GABBR2: variants seen among roughly 807,000 people sequenced by gnomAD.
The protein encoded by GABBR2 is G-protein coupled receptor 51.
Under a neutral mutation model 105.6 loss-of-function variants are expected in GABBR2, and 23 were observed. The observed-to-expected ratio is 0.22, with a 90% CI of 0.16 to 0.31. The LOEUF (loss-of-function observed/expected upper bound fraction) is 0.31. Among genes scored for constraint, GABBR2 ranks in the 10% least tolerant of loss-of-function variants. GABBR2 has a pLI of 1.00. For synonymous variants in GABBR2, 478 were observed against 499.7 expected (o/e 0.96, Z 0.58); for missense variants, 734 against 1,245.5 (o/e 0.59, Z 6.18).
At chr9:98,433,768 T>C (rs1431482380) in intron 7 of GABBR2, among the ~76,000 whole-genome samples, 1 of 152,172 alleles carries the variant, frequency 6.6e-6, no homozygotes, top group African/African-American at 2.4e-5. Context: ...AGATGTTTAA[T>C]GTATTGATAC....
intron 13 of GABBR2, among the ~76,000 whole-genome samples, chr9:98,321,818 T>C (rs1182239776): frequency 2.6e-5 from 4 of 152,074 alleles, no homozygotes; most frequent in African/African-American, 9.7e-5. Flanking sequence ...ACTAAATGAC[T>C]GAGAGAGAAA....
chr9:98,565,243 G>T (rs73655491), intron 2 of GABBR2, among the ~76,000 whole-genome samples: 4,359 of 150,444 alleles, frequency 0.029, 226 homozygotes, highest in African/African-American at 0.1. Flanking sequence ...TGAAGGCCTG[G>T]CACAGCTGCA....
At chr9:98,609,754 A>G (rs1829478973) in intron 1 of GABBR2, among the ~76,000 whole-genome samples, 1 of 152,188 alleles carries the variant, frequency 6.6e-6, no homozygotes, top group Non-Finnish European at 1.5e-5. Context: ...CTTGGGTGCC[A>G]GTGGCACAGC....
intron 2 of GABBR2, among the ~76,000 whole-genome samples, chr9:98,551,667 G>A (rs1395834211): frequency 6.6e-6 from 1 of 152,096 alleles, no homozygotes; most frequent in Non-Finnish European, 1.5e-5. Context: ...GCCGTGATAT[G>A]TTTCATGAGC....
intron 1 of GABBR2, among the ~76,000 whole-genome samples, chr9:98,616,725 G>A (rs1829591322): frequency 6.7e-6 from 1 of 148,994 alleles, no homozygotes; most frequent in African/African-American, 2.5e-5. Context: ...CTGCACTCCA[G>A]TCTGAGTGAC....
intron 12 of GABBR2, among the ~76,000 whole-genome samples, chr9:98,366,232 A>C (rs1425674961): frequency 6.6e-6 from 1 of 152,116 alleles, no homozygotes; most frequent in Non-Finnish European, 1.5e-5. Flanking sequence ...ATTTTTACTA[A>C]ATGTGACTTC....
chr9:98,343,639 C>T (rs139074328), intron 13 of GABBR2, among the ~76,000 whole-genome samples: 73 of 152,288 alleles, frequency 4.8e-4, no homozygotes, highest in African/African-American at 1.7e-3. Flanking sequence ...GCAGGCAGAT[C>T]ATGAGGTCAG....
At chr9:98,295,746 G>T (rs1341266622) in intron 17 of GABBR2, among the ~76,000 whole-genome samples, 3 of 152,124 alleles carry the variant, frequency 2.0e-5, no homozygotes, top group South Asian at 2.1e-4. Context: ...GGATGGTCTC[G>T]ATCTCTTGAC....
intron 1 of GABBR2, among the ~76,000 whole-genome samples, chr9:98,616,170 A>G (rs1358286830): frequency 6.6e-6 from 1 of 152,240 alleles, no homozygotes; most frequent in Non-Finnish European, 1.5e-5. Flanking sequence ...TGTGGTCCCC[A>G]GGGAAGATAC....
At chr9:98,307,660 G>T (rs901710731) in intron 14 of GABBR2, among the ~76,000 whole-genome samples, 1 of 152,156 alleles carries the variant, frequency 6.6e-6, no homozygotes, top group Non-Finnish European at 1.5e-5. Context: ...ACCTGGGCAA[G>T]TCACTTCACC....
intron 1 of GABBR2, among the ~76,000 whole-genome samples, chr9:98,648,429 G>C (rs1347682746): frequency 1.3e-5 from 2 of 152,106 alleles, no homozygotes; most frequent in East Asian, 3.9e-4. Context: ...CACCGCACCT[G>C]GCCCATACAG....
intron 7 of GABBR2, among the ~76,000 whole-genome samples, chr9:98,443,890 G>C (rs1409669228): frequency 6.6e-6 from 1 of 152,232 alleles, no homozygotes; most frequent in Non-Finnish European, 1.5e-5. Context: ...TGTTCCCATT[G>C]TGAGCCCCTT....
At chr9:98,485,881 A>G (rs1827037126) in intron 4 of GABBR2, among the ~76,000 whole-genome samples, 2 of 152,240 alleles carry the variant, frequency 1.3e-5, no homozygotes, top group African/African-American at 4.8e-5. Flanking sequence ...CTTCCTGGCC[A>G]TGGGAGCCAC....
chr9:98,380,087 G>T (rs558787912), intron 11 of GABBR2, among the ~76,000 whole-genome samples: 1 of 152,130 alleles, frequency 6.6e-6, no homozygotes, highest in South Asian at 2.1e-4. Context: ...CTTCTTCCCT[G>T]CTGCCTAGCA....
intron 3 of GABBR2, among the ~76,000 whole-genome samples, chr9:98,508,909 T>C (rs1564097522): frequency 6.6e-6 from 1 of 152,112 alleles, no homozygotes; most frequent in African/African-American, 2.4e-5. Context: ...TCTGACAGCT[T>C]TGAAGAGAGT....
chr9:98,431,235 C>T (rs1245581107), intron 7 of GABBR2, among the ~76,000 whole-genome samples: 1 of 152,162 alleles, frequency 6.6e-6, no homozygotes, highest in East Asian at 1.9e-4. Flanking sequence ...CAATCCTCCT[C>T]ATCCTCCTAC....
At chr9:98,534,714 C>CGCT (rs1379727564) in intron 3 of GABBR2, among the ~76,000 whole-genome samples, 1 of 152,222 alleles carries the variant, frequency 6.6e-6, no homozygotes, top group East Asian at 1.9e-4. Flanking sequence ...AACTCCAGAA[C>CGCT]GCTGACAATA....
chr9:98,489,842 C>T (rs1827139294), intron 4 of GABBR2, among the ~76,000 whole-genome samples: 1 of 152,180 alleles, frequency 6.6e-6, no homozygotes, highest in Non-Finnish European at 1.5e-5. Flanking sequence ...GCCTGTAATC[C>T]AGCACTTTGG....
At chr9:98,414,917 T>C (rs1430892722) in intron 7 of GABBR2, among the ~76,000 whole-genome samples, 1 of 152,204 alleles carries the variant, frequency 6.6e-6, no homozygotes, top group Non-Finnish European at 1.5e-5. Context: ...GGAGCTTGGG[T>C]CCACGAATGA....
Sources: allele counts gnomAD v4.1 joint callset (sites outside exome capture counted in the v4.1 genomes callset), GRCh38; gene constraint gnomAD v4.1.1; transcripts MANE v1.5; gene names NCBI Gene and HGNC (gene_info 2026-07-23, HGNC 2026-07-21).